RPF2: variants seen among roughly 807,000 people sequenced by gnomAD.
RPF2 encodes brix domain containing 1.
A neutral mutation model predicts 38.9 loss-of-function variants in RPF2; 21 were observed. The ratio of observed to expected loss-of-function variants is 0.54; its 90% confidence interval spans 0.38 to 0.78. The LOEUF (loss-of-function observed/expected upper bound fraction) is 0.78. RPF2 is among the 30% of genes least tolerant of loss of function. The probability of loss-of-function intolerance (pLI) is 0.00; values close to 1 mark genes in which losing one functional copy is unlikely to be tolerated. For synonymous variants in RPF2, 121 were observed against 126.2 expected (o/e 0.96, Z 0.28); for missense variants, 314 against 358.1 (o/e 0.88, Z 0.99).
At chr6:110,984,355 TAAGA>T (rs1485903851) in intron 1 of RPF2, among the ~76,000 whole-genome samples, 1 of 150,482 alleles carries the variant, frequency 6.6e-6, no homozygotes, top group African/African-American at 2.5e-5. Context: ...AAAAGAAGAG[TAAGA>T]AAGAGTAAGA....
At chr6:111,023,224 G>C (rs1185948100) in intron 8 of RPF2, among the ~76,000 whole-genome samples, 1 of 152,102 alleles carries the variant, frequency 6.6e-6, no homozygotes, top group Non-Finnish European at 1.5e-5. Flanking sequence ...TATCCTGCCT[G>C]TATTCCCCAG....
intron 4 of RPF2, among the ~76,000 whole-genome samples, chr6:110,992,635 T>C (rs1304055774): frequency 6.6e-6 from 1 of 152,168 alleles, no homozygotes; most frequent in Non-Finnish European, 1.5e-5. Context: ...GTCAGTTGCT[T>C]TCCTAGAGTT....
chr6:111,023,737 CA>C (rs1772272416), intron 8 of RPF2, among the ~76,000 whole-genome samples: 1 of 152,096 alleles, frequency 6.6e-6, no homozygotes, highest in Non-Finnish European at 1.5e-5. Context: ...CCTGTAATCC[CA>C]GTACTTTGGG....
chr6:111,006,091 T>G (rs553240238), intron 6 of RPF2, among the ~76,000 whole-genome samples: 5 of 150,826 alleles, frequency 3.3e-5, no homozygotes, highest in East Asian at 4.0e-4. Flanking sequence ...TAAGGGTGAG[T>G]CACCGTGCCC....
chr6:110,986,494 T>C (rs566760660), intron 2 of RPF2, among the ~76,000 whole-genome samples: 77 of 152,232 alleles, frequency 5.1e-4, no homozygotes, highest in African/African-American at 1.8e-3. Context: ...AATTAGAAAA[T>C]GTATCAAGCG....
At chr6:111,022,917 G>T (rs1034471617) in intron 8 of RPF2, among the ~76,000 whole-genome samples, 1 of 152,198 alleles carries the variant, frequency 6.6e-6, no homozygotes, top group African/African-American at 2.4e-5. Flanking sequence ...GTTTGTTTTT[G>T]AGACGGAGTC....
At chr6:111,006,263 A>T (rs1264591859) in intron 6 of RPF2, among the ~76,000 whole-genome samples, 2 of 151,454 alleles carry the variant, frequency 1.3e-5, no homozygotes, top group African/African-American at 4.9e-5. Context: ...TTGAGATGGC[A>T]TCTCGCTCTC....
chr6:111,015,727 T>G (rs1276022006), intron 7 of RPF2, 27 bp from the exon 8 acceptor site: 3 of 1,458,304 alleles, frequency 2.1e-6, no homozygotes, highest in Non-Finnish European at 2.9e-6. Context: ...TGTTTTGTTT[T>G]GTTAATAATT....
chr6:111,018,500 C>T (rs1222460224), intron 8 of RPF2, among the ~76,000 whole-genome samples: 1 of 152,108 alleles, frequency 6.6e-6, no homozygotes, highest in Non-Finnish European at 1.5e-5. Context: ...GCATTTTGTA[C>T]ATCGTTTTTA....
chr6:110,982,074 C>G lies in RPF2; in HGVS notation c.-33C>G, dbSNP rs746393400. On this transcript the variant is annotated 5_prime_UTR_variant, in exon 1 of 10. Transcript: ENST00000441448. ...CGTAATCGCCGAGGGCACGTGCATG[C>G]CCCCTGGTTAAGAGTTGCAGGTAGC... is the stretch of plus-strand genomic sequence containing the variant. 6 of 1,613,538 alleles carry G rather than the reference C, an allele frequency of 3.7e-6. No homozygotes were observed. The highest frequency in any genetic ancestry group is 2.2e-5 in the East Asian group (1 of 44,878).
chr6:110,991,685 A>T lies in RPF2; in HGVS notation c.195-62A>T, dbSNP rs1771622506. 1.5e-5 allele frequency: 8 copies of T among 549,612 alleles called. No homozygotes were observed. The East Asian group carries it at 2.8e-4, about 19-fold the overall frequency. The allele number at this position is 549,612 out of a possible 1,614,324, so 34.0% of individuals were successfully genotyped here. A position where few individuals can be genotyped will look rare whatever the true frequency, so the allele number is the denominator to read the frequency against. On this transcript the variant is annotated intron_variant, in intron 3 of 9. Coordinates refer to ENST00000441448, the MANE Select transcript of RPF2 (RefSeq NM_032194.3). ...TATCATCTGAATATAAAATTACCTTAATATATTAATTGTATATACTTATTT... is the reference window on the plus strand; with the variant it reads ...TATCATCTGAATATAAAATTACCTTTATATATTAATTGTATATACTTATTT...
At chr6:110,991,032 G>T (rs565762076) in intron 3 of RPF2, among the ~76,000 whole-genome samples, 1 of 152,166 alleles carries the variant, frequency 6.6e-6, no homozygotes, top group African/African-American at 2.4e-5. Context: ...ATCTGTGGGC[G>T]ATGGGTTCCA....
At chr6:111,022,264 T>A (rs1359402493) in intron 8 of RPF2, among the ~76,000 whole-genome samples, 1 of 152,104 alleles carries the variant, frequency 6.6e-6, no homozygotes, top group Non-Finnish European at 1.5e-5. Context: ...GGGAGAAAAA[T>A]GAGGAAATTA....
intron 7 of RPF2, among the ~76,000 whole-genome samples, chr6:111,008,856 C>G (rs61702256): frequency 6.8e-6 from 1 of 147,982 alleles, no homozygotes; most frequent in African/African-American, 2.5e-5. Flanking sequence ...GTCAGATCAT[C>G]AAGTTTCTTT....
chr6:111,024,496 A>C (rs1346459858), intron 9 of RPF2, among the ~76,000 whole-genome samples, 169 bp downstream of exon 9: 1 of 152,006 alleles, frequency 6.6e-6, no homozygotes, highest in East Asian at 1.9e-4. Flanking sequence ...GGTGGATCAC[A>C]AGGTCAGGAG....
chr6:110,984,279 G>A lies in RPF2; in HGVS notation c.24-727G>A, dbSNP rs79945766. Among the ~76,000 whole-genome samples, 1,297 of 152,158 alleles carry A rather than the reference G, an allele frequency of 8.5e-3. 11 individuals carry two copies. Among genetic ancestry groups the A allele is most frequent in the Middle Eastern group, 0.038 (11 of 292 alleles). On this transcript the variant is annotated intron_variant, in intron 1 of 9. Transcript: ENST00000441448. ...TTAGTAAATGTCCACAGGTTGATCA[G>A]CAGTTGATGCTCAATTCTTTGTATT...
intron 4 of RPF2, among the ~76,000 whole-genome samples, chr6:110,996,001 A>C (rs1484062152): frequency 6.6e-6 from 1 of 151,952 alleles, no homozygotes; most frequent in Non-Finnish European, 1.5e-5. Context: ...TATTTTTCTT[A>C]GAGACAGGGT....
chr6:110,985,148 T>C lies in RPF2; in HGVS notation c.156+10T>C. The stretch of plus-strand genomic sequence containing the variant: ...AGTACTTAAAGATGTGGTAAGTATA[T>C]ATACTTAATCTTTAAAAGGTATTGA... On this transcript the variant is annotated intron_variant, in intron 2 of 9. Coordinates refer to ENST00000441448, the MANE Select transcript of RPF2 (RefSeq NM_032194.3). 1.9e-6 allele frequency: 3 copies of C among 1,603,428 alleles called. No individual in the cohort carries two copies. Among genetic ancestry groups the C allele is most frequent in the Non-Finnish European group, 2.6e-6 (3 of 1,174,716 alleles).
chr6:111,021,283 T>C (rs937755456), intron 8 of RPF2, among the ~76,000 whole-genome samples: 2 of 152,166 alleles, frequency 1.3e-5, no homozygotes, highest in Non-Finnish European at 2.9e-5. Flanking sequence ...TCTTTCATAA[T>C]GAAAAAAAGT....
Sources: allele counts gnomAD v4.1 joint callset (sites outside exome capture counted in the v4.1 genomes callset), GRCh38; gene constraint gnomAD v4.1.1; transcripts MANE v1.5; gene names NCBI Gene and HGNC (gene_info 2026-07-23, HGNC 2026-07-21).